Variants in ULK2 observed in about 807,000 individuals in gnomAD.
ULK2 encodes unc-51 like autophagy activating kinase 2.
A neutral mutation model predicts 127.5 loss-of-function variants in ULK2; 76 were observed. The ratio of observed to expected loss-of-function variants is 0.60; its 90% confidence interval spans 0.50 to 0.72. The LOEUF (loss-of-function observed/expected upper bound fraction) is 0.72, where lower values mean the gene tolerates loss of function less well. ULK2 is among the 30% of genes least tolerant of loss of function. ULK2 has a pLI of 0.00. For synonymous variants in ULK2, 452 were observed against 461.9 expected (o/e 0.98, Z 0.28); for missense variants, 1,144 against 1,295.9 (o/e 0.88, Z 1.80).
chr17:19,778,510 G>A (rs2086854201), intron 25 of ULK2, among the ~76,000 whole-genome samples: 1 of 152,202 alleles, frequency 6.6e-6, no homozygotes, highest in Non-Finnish European at 1.5e-5. Flanking sequence ...TTTCCCCATC[G>A]ACATTCTGAT....
chr17:19,776,335 G>C lies in ULK2; in HGVS notation c.*14C>G. 1 of 1,598,854 alleles carries C rather than the reference G, an allele frequency of 6.3e-7. No individual in the cohort carries two copies. The highest frequency in any genetic ancestry group is 8.5e-7 in the Non-Finnish European group (1 of 1,173,200). ...TCACGTTCCCACCACCGGTCCACGG[G>C]ATGAGCCTGCTGCTCACACGGTTGC... On this transcript the variant is annotated 3_prime_UTR_variant, in exon 27 of 27. Coordinates refer to ENST00000395544, the MANE Select transcript of ULK2 (RefSeq NM_014683.4).
chr17:19,797,887 A>C (rs2087309639), intron 17 of ULK2, among the ~76,000 whole-genome samples: 1 of 152,232 alleles, frequency 6.6e-6, no homozygotes, highest in Middle Eastern at 3.2e-3. Context: ...CTCAGGAGAC[A>C]GAATTTAATG....
Position 19,843,027 on chromosome 17 carries a change from A to G in ULK2, c.645+94T>C, listed in dbSNP as rs146623559. 504 of 1,084,074 alleles carry G rather than the reference A, an allele frequency of 4.6e-4. 1 individual carries two copies. The African/African-American group carries it at 7.2e-3, about 15-fold the overall frequency. The allele number at this position is 1,084,074 out of a possible 1,614,324, so 67.2% of individuals were successfully genotyped here. On this transcript the variant is annotated intron_variant, in intron 8 of 26. Transcript: ENST00000395544. ...AGTAACTCACAGAGGAGCCAAAAAC[A>G]CTGCTTTCAAAGTATTCTTCATTTT...
chr17:19,810,049 G>A (rs915952100), intron 14 of ULK2, among the ~76,000 whole-genome samples: 1 of 152,044 alleles, frequency 6.6e-6, no homozygotes, highest in African/African-American at 2.4e-5. Context: ...GGCTAACCCA[G>A]TGAAACCTTG....
At chr17:19,840,458 A>C in intron 9 of ULK2, 1 of 468,916 alleles carries the variant, frequency 2.1e-6, no homozygotes, top group Non-Finnish European at 4.2e-6. Context: ...ACATGGATAG[A>C]AAAGAAAAAC....
chr17:19,776,313 C>T lies in ULK2; in HGVS notation c.*36G>A, dbSNP rs926751636. On this transcript the variant is annotated 3_prime_UTR_variant, in exon 27 of 27. Coordinates refer to ENST00000395544, the MANE Select transcript of ULK2 (RefSeq NM_014683.4). ...CTGTAATCCCAAAGGCATCACCTCA[C>T]GTTCCCACCACCGGTCCACGGGATG... 6 of 1,569,652 alleles carry T rather than the reference C, an allele frequency of 3.8e-6. No homozygotes were observed. Among genetic ancestry groups the T allele is most frequent in the Non-Finnish European group, 3.4e-6 (4 of 1,159,468 alleles).
intron 16 of ULK2, among the ~76,000 whole-genome samples, chr17:19,800,359 A>G (rs1320757257): frequency 1.3e-5 from 2 of 152,174 alleles, no homozygotes; most frequent in African/African-American, 4.8e-5. Context: ...CAGATGAGAA[A>G]CATGTCTATA....
At chr17:19,777,509 C>T in intron 26 of ULK2, 72 bp downstream of exon 26, 2 of 1,486,714 alleles carry the variant, frequency 1.3e-6, no homozygotes, top group Non-Finnish European at 1.8e-6. Flanking sequence ...AAACTCCAAG[C>T]TCTTTGTACT....
rs865948685 is a variant in ULK2, at chr17:19,841,173, G to A, written c.704+316C>T. 1.1e-4 allele frequency among the ~76,000 whole-genome samples: 16 copies of A among 152,246 alleles called. 1 individual carries two copies. The South Asian group carries it at 1.9e-3, about 18-fold the overall frequency. On this transcript the variant is annotated intron_variant, in intron 9 of 26. Coordinates refer to ENST00000395544, the MANE Select transcript of ULK2 (RefSeq NM_014683.4). The stretch of plus-strand genomic sequence containing the variant: ...AGCAAACTCTTGTTACCCCTAAAGA[G>A]AGCAAAGCTGGGGGGAATTCACTTC...
chr17:19,862,791 G>A (rs2042270532), intron 3 of ULK2, among the ~76,000 whole-genome samples: 1 of 152,006 alleles, frequency 6.6e-6, no homozygotes, highest in Admixed American at 6.6e-5. Context: ...TTTTTAAAAA[G>A]TAAATATACA....
chr17:19,783,756 T>C lies in ULK2; in HGVS notation c.2401A>G (p.Ser801Gly), dbSNP rs2086968869. The C allele has an allele frequency of 1.9e-6, 3 of 1,600,624 alleles. No homozygotes were observed. The highest frequency in any genetic ancestry group is 1.7e-6 in the Non-Finnish European group (2 of 1,173,280). The stretch of plus-strand genomic sequence containing the variant: ...TCAAAGGTGATGAGCCCCTCTAGGC[T>C]GGGGGGTGAAGCACCGTAAGGCACG... ...RYVPYGASPPSLEGLITFEAP... is the reference protein window; with the variant it reads ...RYVPYGASPPGLEGLITFEAP... The change falls in exon 22 of 27, where the codon AGC becomes GGC. Residue 801 changes from serine to glycine, a missense_variant. Physicochemically the swap from Ser to Gly is moderately conservative, Grantham distance 56 (BLOSUM62 0). Coordinates refer to ENST00000395544, the MANE Select transcript of ULK2 (RefSeq NM_014683.4).
intron 13 of ULK2, among the ~76,000 whole-genome samples, chr17:19,815,514 C>G (rs966729340): frequency 6.6e-6 from 1 of 152,194 alleles, no homozygotes; most frequent in Non-Finnish European, 1.5e-5. Context: ...AACTCCTGAC[C>G]TCATGATCTG....
chr17:19,803,055 T>A (rs1433988192), intron 15 of ULK2, among the ~76,000 whole-genome samples: 1 of 152,222 alleles, frequency 6.6e-6, no homozygotes, highest in Non-Finnish European at 1.5e-5. Context: ...AATTTTTGCT[T>A]AAAAGCTCAA....
intron 14 of ULK2, among the ~76,000 whole-genome samples, chr17:19,806,619 G>C (rs1479497268): frequency 6.6e-6 from 1 of 152,112 alleles, no homozygotes; most frequent in Non-Finnish European, 1.5e-5. Flanking sequence ...ACAAATTCCA[G>C]ATCTCTAGCT....
At chr17:19,826,209 A>T in intron 10 of ULK2, 23 bp from the exon 11 acceptor site, 1 of 1,396,398 alleles carries the variant, frequency 7.2e-7, no homozygotes, top group Non-Finnish European at 9.6e-7. Flanking sequence ...ATGAGAATGC[A>T]ACCTTTAAAG....
intron 9 of ULK2, among the ~76,000 whole-genome samples, chr17:19,841,183 G>A (rs963593392): frequency 1.3e-5 from 2 of 152,134 alleles, no homozygotes; most frequent in Non-Finnish European, 2.9e-5. Context: ...GAGCAAAGCT[G>A]GGGGGAATTC....
At chr17:19,843,348 T>G (rs1478193277) in intron 7 of ULK2, 126 bp from the exon 8 acceptor site, 1 of 546,580 alleles carries the variant, frequency 1.8e-6, no homozygotes, top group Non-Finnish European at 3.2e-6. Flanking sequence ...CCTGTGATAG[T>G]TCTCTAATCA....
Position 19,776,285 on chromosome 17 carries a change from A to T in ULK2, c.*64T>A. 7.0e-7 allele frequency: 1 copy of T among 1,438,074 alleles called. No homozygotes were observed. Among genetic ancestry groups the T allele is most frequent in the Non-Finnish European group, 9.3e-7 (1 of 1,070,500 alleles). The allele number at this position is 1,438,074 out of a possible 1,614,324, so 89.1% of individuals were successfully genotyped here. On this transcript the variant is annotated 3_prime_UTR_variant, in exon 27 of 27. Coordinates refer to ENST00000395544, the MANE Select transcript of ULK2 (RefSeq NM_014683.4). Reference sequence around the variant, plus strand: ...TCCTGGGGATGGGGTGACAGAACTCAAGCTGTAATCCCAAAGGCATCACCT... The same window carrying T: ...TCCTGGGGATGGGGTGACAGAACTCTAGCTGTAATCCCAAAGGCATCACCT...
At chr17:19,785,479 A>C (rs2087008781) in intron 21 of ULK2, among the ~76,000 whole-genome samples, 1 of 151,926 alleles carries the variant, frequency 6.6e-6, no homozygotes, top group African/African-American at 2.4e-5. Flanking sequence ...TCCCAAAGTA[A>C]GTGCTGGGAT....
Sources: gnomAD v4.1 joint callset for allele counts (sites outside exome capture counted in the v4.1 genomes callset) on GRCh38, gnomAD v4.1.1 for gene constraint, MANE v1.5 for transcripts, NCBI Gene and HGNC (gene_info 2026-07-23, HGNC 2026-07-21) for gene names.